The following FRMD4A variants were observed in gnomAD, a reference collection of about 807,000 sequenced individuals.
FRMD4A encodes FERM domain-containing protein 4A.
In FRMD4A, 29 loss-of-function variants were observed where a neutral mutation model predicts 129.1. The observed-to-expected ratio is 0.22, with a 90% CI of 0.17 to 0.31. The LOEUF (loss-of-function observed/expected upper bound fraction) is 0.31, where lower values mean the gene tolerates loss of function less well. Ranked by LOEUF, FRMD4A falls within the 10% of genes least tolerant of loss-of-function variation. The pLI is 1.00. For missense variants in FRMD4A, 1,272 were observed against 1,375.8 expected (o/e 0.92, Z 1.19); for synonymous variants, 634 against 571.6 (o/e 1.11, Z -1.56).
intron 12 of FRMD4A, among the ~76,000 whole-genome samples, chr10:13,729,190 T>C (rs963876254): frequency 4.8e-5 from 3 of 62,560 alleles, no homozygotes; most frequent in African/African-American, 1.3e-4. Flanking sequence ...AATGATAACA[T>C]ACGAGAAGGC....
chr10:13,948,951 A>T (rs1234749948), intron 2 of FRMD4A, among the ~76,000 whole-genome samples: 2 of 152,110 alleles, frequency 1.3e-5, no homozygotes, highest in Non-Finnish European at 2.9e-5. Context: ...CGCCCAGCCG[A>T]GAGGATTTTT....
intron 6 of FRMD4A, among the ~76,000 whole-genome samples, chr10:13,764,796 G>T (rs1032679334): frequency 2.0e-5 from 3 of 152,172 alleles, no homozygotes; most frequent in Non-Finnish European, 4.4e-5. Flanking sequence ...CTGGATGACA[G>T]AGAGCTAGAG....
At chr10:13,748,430 G>C (rs894204440) in intron 8 of FRMD4A, among the ~76,000 whole-genome samples, 1 of 152,130 alleles carries the variant, frequency 6.6e-6, no homozygotes, top group Non-Finnish European at 1.5e-5. Context: ...ATGTTTGACT[G>C]TTTGCATTTA....
chr10:13,748,928 A>G (rs765598428), intron 8 of FRMD4A, among the ~76,000 whole-genome samples: 4 of 152,176 alleles, frequency 2.6e-5, no homozygotes, highest in African/African-American at 4.8e-5. Context: ...CTGAAACCAG[A>G]AATTCTTTTC....
At chr10:13,980,852 A>G (rs2095558048) in intron 2 of FRMD4A, among the ~76,000 whole-genome samples, 1 of 152,226 alleles carries the variant, frequency 6.6e-6, no homozygotes, top group Non-Finnish European at 1.5e-5. Context: ...AAACAAAACA[A>G]AAAGCTGCCA....
chr10:13,918,050 G>A (rs544272037), intron 2 of FRMD4A, among the ~76,000 whole-genome samples: 2 of 152,328 alleles, frequency 1.3e-5, no homozygotes, highest in East Asian at 3.9e-4. Flanking sequence ...ACCTGCTGTT[G>A]AAAAGGAGAC....
chr10:14,162,641 G>GTTTTTTTTTTTTTTTTTTTTTTTTTTTTT (rs71388160), intron 2 of FRMD4A, among the ~76,000 whole-genome samples: 1 of 118,398 alleles, frequency 8.4e-6, no homozygotes. Flanking sequence ...TTTTTTTTTT[G>GTTTTTTTTTTTTTTTTTTTTTTTTTTTTT]TTTTTTTTTT....
intron 2 of FRMD4A, among the ~76,000 whole-genome samples, chr10:13,942,409 A>G (rs2095299310): frequency 6.6e-6 from 1 of 152,116 alleles, no homozygotes; most frequent in East Asian, 1.9e-4. Context: ...GCCCAAGTTG[A>G]AGTCATCAGA....
intron 5 of FRMD4A, among the ~76,000 whole-genome samples, chr10:13,792,176 C>T (rs767858281): frequency 2.0e-5 from 3 of 152,180 alleles, no homozygotes; most frequent in Non-Finnish European, 2.9e-5. Flanking sequence ...GCAGGCCTGG[C>T]GGTGGCTCTG....
chr10:13,645,437 TAACCC>T lies in FRMD4A; in HGVS notation c.*1596_*1600del, dbSNP rs761082799. 1.3e-5 allele frequency: 2 copies of T among 149,102 alleles called. No homozygotes were observed. Among genetic ancestry groups the T allele is most frequent in the African/African-American group, 2.5e-5 (1 of 40,214 alleles). The allele number at this position is 149,102 out of a possible 1,614,324, so 9.2% of individuals were successfully genotyped here. ...GGAAACCTTTTTGTGCCATCTTGAA[TAACCC>T]AACTAAAGTCGTGCACTTGTTACTA... On this transcript the variant is annotated 3_prime_UTR_variant, in exon 25 of 25. Coordinates refer to ENST00000357447, the MANE Select transcript of FRMD4A (RefSeq NM_018027.5).
rs145856584 is a variant in FRMD4A at position 14,167,766 on chromosome 10, C to T, written c.45+162292G>A. On this transcript the variant is annotated intron_variant, in intron 2 of 24. Coordinates refer to ENST00000357447, the MANE Select transcript of FRMD4A (RefSeq NM_018027.5). The stretch of plus-strand genomic sequence containing the variant: ...ATCCATGCTGCCACATGAAGGTGGC[C>T]TTAGAGTCAGCAGGGTAGACAGACA... Among the ~76,000 whole-genome samples the T allele has an allele frequency of 1.6e-3, 245 of 151,976 alleles. 2 individuals carry two copies. The Middle Eastern group carries it at 0.024, about 15-fold the overall frequency.
chr10:14,105,911 T>A (rs1837563228), intron 2 of FRMD4A, among the ~76,000 whole-genome samples: 1 of 152,222 alleles, frequency 6.6e-6, no homozygotes, highest in Non-Finnish European at 1.5e-5. Flanking sequence ...GACTACATTA[T>A]CAGTGGTGGT....
chr10:13,817,785 C>T (rs773064241), intron 3 of FRMD4A, among the ~76,000 whole-genome samples: 39 of 152,170 alleles, frequency 2.6e-4, no homozygotes, highest in Non-Finnish European at 5.1e-4. Flanking sequence ...TCAGGTATGT[C>T]TTTATTAGCA....
intron 2 of FRMD4A, among the ~76,000 whole-genome samples, chr10:14,055,461 AAACACACAC>A (rs1834475945): frequency 2.3e-3 from 54 of 23,104 alleles, no homozygotes; most frequent in South Asian, 6.4e-3. Flanking sequence ...ACACACACAC[AAACACACAC>A]ACACACACAC....
intron 19 of FRMD4A, 151 bp from the exon 20 acceptor site, chr10:13,660,704 C>T: frequency 5.2e-6 from 3 of 572,442 alleles, no homozygotes; most frequent in South Asian, 5.1e-5. Context: ...AACTCTTCCC[C>T]AGTTGCCAAG....
chr10:13,913,230 G>A (rs899138505), intron 2 of FRMD4A, among the ~76,000 whole-genome samples: 1 of 152,112 alleles, frequency 6.6e-6, no homozygotes, highest in Non-Finnish European at 1.5e-5. Flanking sequence ...GTGCAGAATA[G>A]ACAAATCTAT....
intron 2 of FRMD4A, among the ~76,000 whole-genome samples, chr10:14,167,237 G>C (rs1443629702): frequency 6.6e-6 from 1 of 152,046 alleles, no homozygotes; most frequent in Non-Finnish European, 1.5e-5. Flanking sequence ...GTTAAATAAA[G>C]ACATAAGAAC....
chr10:13,867,769 TATG>T (rs1365542312), intron 2 of FRMD4A, among the ~76,000 whole-genome samples: 1 of 128,786 alleles, frequency 7.8e-6, no homozygotes, highest in African/African-American at 3.0e-5. Context: ...TATAATATAA[TATG>T]ATATATAATA....
chr10:13,747,285 C>T (rs1376982382), intron 9 of FRMD4A, among the ~76,000 whole-genome samples: 1 of 151,936 alleles, frequency 6.6e-6, no homozygotes, highest in African/African-American at 2.4e-5. Flanking sequence ...GTAATCCCAG[C>T]ACTTTGGGAG....
Sources: allele counts gnomAD v4.1 joint callset (sites outside exome capture counted in the v4.1 genomes callset), GRCh38; gene constraint gnomAD v4.1.1; transcripts MANE v1.5; gene names NCBI Gene and HGNC (gene_info 2026-07-23, HGNC 2026-07-21).